Variants in NR2F1-AS1 observed in about 807,000 individuals in gnomAD.
NR2F1-AS1 encodes the protein NR2F1 regulatory antisense RNA 1.
At chr5:93,578,600 G>A (rs954664988) in intron 1 of NR2F1-AS1, among the ~76,000 whole-genome samples, 6 of 152,134 alleles carry the variant, frequency 3.9e-5, no homozygotes, top group African/African-American at 1.4e-4. Context: ...GGATGCTGAG[G>A]CAAGAGCCAC....
chr5:93,429,116 A>G (rs2149845867), intron 4 of NR2F1-AS1, among the ~76,000 whole-genome samples: 1 of 152,250 alleles, frequency 6.6e-6, no homozygotes, highest in East Asian at 1.9e-4. Context: ...TTGATGTATG[A>G]TACTTGAGCC....
rs147487403 is a variant in NR2F1-AS1, at chr5:93,420,125, C to T, written n.639-24583G>A. 2.4e-3 allele frequency among the ~76,000 whole-genome samples: 368 copies of T among 152,146 alleles called. 2 individuals carry two copies. The highest frequency in any genetic ancestry group is 8.4e-3 in the African/African-American group (347 of 41,520). On this transcript the variant is annotated intron_variant and non_coding_transcript_variant, in intron 4 of 5. Coordinates refer to ENST00000660523, the Ensembl canonical transcript of NR2F1-AS1. ...GCACAGATCACTTGAACCCAAGAGGCGGAGGTTGTAGTGAGCCGAGATTGC... is the reference window on the plus strand; with the variant it reads ...GCACAGATCACTTGAACCCAAGAGGTGGAGGTTGTAGTGAGCCGAGATTGC...
chr5:93,470,899 A>G (rs1032403184), intron 4 of NR2F1-AS1, among the ~76,000 whole-genome samples: 1 of 151,858 alleles, frequency 6.6e-6, no homozygotes, highest in Non-Finnish European at 1.5e-5. Flanking sequence ...GAAAAATCTC[A>G]TTTTACTCTA....
intron 4 of NR2F1-AS1, among the ~76,000 whole-genome samples, chr5:93,461,910 A>C (rs747140667): frequency 3.3e-5 from 5 of 152,114 alleles, no homozygotes; most frequent in Non-Finnish European, 7.4e-5. Context: ...TATCTATGAC[A>C]AGTCTAGATG....
At chr5:93,490,709 G>T (rs1289370847) in intron 4 of NR2F1-AS1, among the ~76,000 whole-genome samples, 1 of 151,596 alleles carries the variant, frequency 6.6e-6, no homozygotes, top group Non-Finnish European at 1.5e-5. Flanking sequence ...TGATAGCAAT[G>T]GTGGTGGTGG....
At chr5:93,491,734 A>G (rs549634789) in intron 4 of NR2F1-AS1, among the ~76,000 whole-genome samples, 18 of 152,308 alleles carry the variant, frequency 1.2e-4, no homozygotes, top group African/African-American at 3.8e-4. Flanking sequence ...ACCCTTGGAC[A>G]TCAAGGCTCC....
chr5:93,508,278 A>G (rs1403044814), intron 4 of NR2F1-AS1, among the ~76,000 whole-genome samples: 1 of 152,232 alleles, frequency 6.6e-6, no homozygotes, highest in Non-Finnish European at 1.5e-5. Flanking sequence ...TCAACCACAC[A>G]GAATAGGGAA....
intron 4 of NR2F1-AS1, among the ~76,000 whole-genome samples, chr5:93,528,154 G>GA (rs894484777): frequency 4.0e-5 from 6 of 151,832 alleles, no homozygotes; most frequent in Admixed American, 3.9e-4. Flanking sequence ...AAATTTACAA[G>GA]AAAAAAACAA....
chr5:93,454,199 T>C (rs904278710), intron 4 of NR2F1-AS1, among the ~76,000 whole-genome samples: 1 of 152,104 alleles, frequency 6.6e-6, no homozygotes, highest in African/African-American at 2.4e-5. Flanking sequence ...AAGGATCCCT[T>C]GAACCCAGGA....
intron 4 of NR2F1-AS1, among the ~76,000 whole-genome samples, chr5:93,451,736 T>G (rs1012811947): frequency 2.6e-5 from 4 of 152,168 alleles, no homozygotes; most frequent in African/African-American, 9.7e-5. Flanking sequence ...TATTGGTTTT[T>G]CCCTACCACT....
chr5:93,568,087 A>C (rs1312894074), intron 1 of NR2F1-AS1, among the ~76,000 whole-genome samples: 1 of 152,226 alleles, frequency 6.6e-6, no homozygotes, highest in East Asian at 1.9e-4. Flanking sequence ...GTAACCATTT[A>C]AGATATATGT....
chr5:93,576,083 T>C (rs982290362), intron 1 of NR2F1-AS1, among the ~76,000 whole-genome samples: 15 of 152,244 alleles, frequency 9.9e-5, no homozygotes, highest in African/African-American at 3.6e-4. Context: ...TCAAAGTTGC[T>C]GATCCAGAGA....
At chr5:93,564,083 C>T (rs1302004372) in intron 1 of NR2F1-AS1, among the ~76,000 whole-genome samples, 1 of 111,034 alleles carries the variant, frequency 9.0e-6, no homozygotes, top group African/African-American at 3.5e-5. Context: ...GCCTGGGTGA[C>T]AGAGCCAGAC....
At chr5:93,542,235 G>A (rs1260391865) in intron 4 of NR2F1-AS1, 6 of 151,420 alleles carry the variant, frequency 4.0e-5, no homozygotes, top group Non-Finnish European at 5.9e-5. Flanking sequence ...AAATTACTTA[G>A]TATGAAATAA....
At chr5:93,480,835 C>T (rs1750585116) in intron 4 of NR2F1-AS1, among the ~76,000 whole-genome samples, 1 of 151,824 alleles carries the variant, frequency 6.6e-6, no homozygotes, top group Non-Finnish European at 1.5e-5. Flanking sequence ...TAACTGTAAT[C>T]CCCCATGGTA....
intron 4 of NR2F1-AS1, among the ~76,000 whole-genome samples, chr5:93,452,684 A>G (rs936099419): frequency 2.0e-5 from 3 of 152,236 alleles, no homozygotes; most frequent in Non-Finnish European, 4.4e-5. Context: ...ACATAGAGCT[A>G]AGAATTAATT....
chr5:93,440,218 T>TCTCACA (rs1379862028), intron 4 of NR2F1-AS1, among the ~76,000 whole-genome samples: 6 of 148,944 alleles, frequency 4.0e-5, no homozygotes, highest in African/African-American at 1.5e-4. Flanking sequence ...TCTCTCTCTC[T>TCTCACA]CACACACACA....
intron 4 of NR2F1-AS1, among the ~76,000 whole-genome samples, chr5:93,446,883 C>A (rs1180623471): frequency 6.6e-6 from 1 of 152,070 alleles, no homozygotes; most frequent in Non-Finnish European, 1.5e-5. Flanking sequence ...GAACAGGGCC[C>A]TCAGAAATAA....
chr5:93,507,819 C>T (rs927216027), intron 4 of NR2F1-AS1, among the ~76,000 whole-genome samples: 1 of 152,134 alleles, frequency 6.6e-6, no homozygotes. Context: ...AAATTAATAG[C>T]ATTCCTACAC....
Sources: gnomAD v4.1 joint callset for allele counts (sites outside exome capture counted in the v4.1 genomes callset) on GRCh38, gnomAD v4.1.1 for gene constraint, MANE v1.5 for transcripts, NCBI Gene and HGNC (gene_info 2026-07-23, HGNC 2026-07-21) for gene names.